LRRC23: variants seen among roughly 807,000 people sequenced by gnomAD.
LRRC23 encodes the protein leucine-rich repeat-containing protein 23.
In LRRC23, 28 loss-of-function variants were observed where a neutral mutation model predicts 37.7. That is an observed-to-expected ratio of 0.74 (90% CI 0.55 to 1.02). LRRC23 has a LOEUF of 1.02. Ranked by LOEUF, LRRC23 falls within the 50% of genes least tolerant of loss-of-function variation. The pLI is 0.00. For missense variants in LRRC23, 377 were observed against 413.2 expected (o/e 0.91, Z 0.76); for synonymous variants, 161 against 165.4 (o/e 0.97, Z 0.20).
Position 6,912,951 on chromosome 12 carries a change from A to G in LRRC23, c.980A>G (p.Glu327Gly), listed in dbSNP as rs782100764. ...VIRQRLKEEKEQEPEPQRDLE... is the reference protein window; with the variant it reads ...VIRQRLKEEKGQEPEPQRDLE... ...CGACAGAGGCTGAAGGAAGAAAAGG[A>G]GCAGGAGCCTGAGCCCCAGCGTGAC... is the stretch of plus-strand genomic sequence containing the variant. Residue 327 changes from glutamate (E) to glycine (G), a missense_variant, in exon 7 of 8, where the codon GAG becomes GGG. By Grantham distance (98) the Glu-to-Gly change is moderately conservative. Transcript: ENST00000443597. The G allele has an allele frequency of 6.2e-7, 1 of 1,614,116 alleles. No homozygotes were observed. The highest frequency in any genetic ancestry group is 1.1e-5 in the South Asian group (1 of 91,078).
Position 6,905,590 on chromosome 12 carries a change from G to T in LRRC23, c.-44G>T, listed in dbSNP as rs781939696. 6.2e-7 allele frequency: 1 copy of T among 1,609,194 alleles called. No individual in the cohort carries two copies. The highest frequency in any genetic ancestry group is 8.5e-7 in the Non-Finnish European group (1 of 1,176,564). On this transcript the variant is annotated 5_prime_UTR_variant, in exon 2 of 8. It adds an upstream start codon to the 5' untranslated region. Coordinates refer to ENST00000443597, the MANE Select transcript of LRRC23 (RefSeq NM_001135217.2). ...GATGAGACCTTCTTTTTCAGGAGGA[G>T]GACTGAGCTTATCTGACTCCAGAGC...
Position 6,913,777 on chromosome 12 carries a change from A to T in LRRC23, c.*25-114A>T, listed in dbSNP as rs1945249501. On this transcript the variant is annotated intron_variant, in intron 7 of 7. Coordinates refer to ENST00000443597, the MANE Select transcript of LRRC23 (RefSeq NM_001135217.2). ...ACGGGGTTTCACCACGTTAGCCAGG[A>T]TGGTCTGGATCTCCTGACCTCGTGA... The T allele has an allele frequency of 8.3e-6, 6 of 719,014 alleles. No homozygotes were observed. The Admixed American group carries it at 1.6e-4, about 19-fold the overall frequency. The allele number at this position is 719,014 out of a possible 1,614,324, so 44.5% of individuals were successfully genotyped here. A position where few individuals can be genotyped will look rare whatever the true frequency, so the allele number is the denominator to read the frequency against.
chr12:6,908,596 C>CAAAAAAAAAA (rs61662814), intron 5 of LRRC23, among the ~76,000 whole-genome samples: 17 of 31,092 alleles, frequency 5.5e-4, no homozygotes, highest in African/African-American at 1.5e-3. Flanking sequence ...GACTCCATCT[C>CAAAAAAAAAA]AAAAAAAAAA....
intron 6 of LRRC23, among the ~76,000 whole-genome samples, chr12:6,912,349 G>A (rs186218234): frequency 3.0e-4 from 46 of 152,132 alleles, no homozygotes; most frequent in East Asian, 2.9e-3. Context: ...ATGGGGTCTC[G>A]CTATGTTGCC....
chr12:6,908,498 G>A (rs782592213), intron 5 of LRRC23, among the ~76,000 whole-genome samples: 2 of 150,358 alleles, frequency 1.3e-5, no homozygotes, highest in South Asian at 4.2e-4. Flanking sequence ...TAGGGAGGCT[G>A]AGGCAGCAGA....
At chr12:6,913,148 C>G (rs1555141024) in intron 7 of LRRC23, 121 bp downstream of exon 7, 1 of 1,047,770 alleles carries the variant, frequency 9.5e-7, no homozygotes. Flanking sequence ...CAAGCAGGAC[C>G]CTTAAAGAGA....
chr12:6,909,214 A>T (rs1371401725), intron 5 of LRRC23, among the ~76,000 whole-genome samples: 2 of 944 alleles, frequency 2.1e-3, no homozygotes, highest in Admixed American at 0.02. Context: ...AATTATATAT[A>T]ATATATATAA....
Position 6,914,113 on chromosome 12 carries a change from G to A in LRRC23, c.*247G>A, listed in dbSNP as rs11612746. 0.024 allele frequency: 36,009 copies of A among 1,504,618 alleles called. 578 individuals are homozygous for A. The highest frequency in any genetic ancestry group is 0.043 in the Middle Eastern group (178 of 4,112). The allele number at this position is 1,504,618 out of a possible 1,614,324, so 93.2% of individuals were successfully genotyped here. Reference sequence around the variant, plus strand: ...GAGCCTAGGCCGGGGGCCGCCCTCGGGCAGGCGTGGGTGAGAGCCAAGACC... The same window carrying A: ...GAGCCTAGGCCGGGGGCCGCCCTCGAGCAGGCGTGGGTGAGAGCCAAGACC... On this transcript the variant is annotated 3_prime_UTR_variant, in exon 8 of 8. Coordinates refer to ENST00000443597, the MANE Select transcript of LRRC23 (RefSeq NM_001135217.2). This position sits in a 1 kb window ranked among gnomAD's most constrained non-coding sequence, Gnocchi z 7.1.
In LRRC23 at chr12:6,907,332, G is replaced by T; in HGVS notation, c.508G>T (p.Val170Leu). 6.2e-7 allele frequency: 1 copy of T among 1,614,044 alleles called. No homozygotes were observed. The highest frequency in any genetic ancestry group is 2.2e-5 in the East Asian group (1 of 44,880). ...CTCCCCAGGGAACAGCATCCACATG[G>T]TGACAGGTCTGGACCCCGAGAAGTT... ...LNLKGNSIHM[V>L]TGLDPEKLIS... Residue 170 changes from valine (V) to leucine (L), a missense_variant, in exon 5 of 8, where the codon GTG (valine) becomes TTG (leucine). Physicochemically the swap from Val to Leu is conservative, Grantham distance 32. Coordinates refer to ENST00000443597, the MANE Select transcript of LRRC23 (RefSeq NM_001135217.2).
At chr12:6,912,256 CCCT>C (rs1945177540) in intron 6 of LRRC23, among the ~76,000 whole-genome samples, 1 of 152,088 alleles carries the variant, frequency 6.6e-6, no homozygotes, top group South Asian at 2.1e-4. Context: ...GTCAAGCAAT[CCCT>C]CCTCCTCAGC....
Position 6,914,069 on chromosome 12 carries a change from T to TA in LRRC23, c.*204dup, listed in dbSNP as rs1215115891. ...AGTGTGGGGTGCAGAATGGGGTGCC[T>TA]AGGCCTGAGCGTTGCCTGGAGCCTA... On this transcript the variant is annotated 3_prime_UTR_variant, in exon 8 of 8. Coordinates refer to ENST00000443597, the MANE Select transcript of LRRC23 (RefSeq NM_001135217.2). This position sits in a 1 kb window ranked among gnomAD's most constrained non-coding sequence, Gnocchi z 7.1. 1.3e-6 allele frequency: 2 copies of TA among 1,574,396 alleles called. No individual in the cohort carries two copies. The highest frequency in any genetic ancestry group is 1.7e-6 in the Non-Finnish European group (2 of 1,163,004).
intron 3 of LRRC23, among the ~76,000 whole-genome samples, chr12:6,906,160 G>A (rs372572315): frequency 1.1e-4 from 17 of 152,068 alleles, no homozygotes; most frequent in African/African-American, 4.1e-4. Context: ...TATATGGGGG[G>A]ATTCCTGCTG....
chr12:6,913,583 T>TTTTTGTG (rs1945240626), intron 7 of LRRC23, among the ~76,000 whole-genome samples: 1 of 141,474 alleles, frequency 7.1e-6, no homozygotes, highest in Non-Finnish European at 1.5e-5. Context: ...TTTTTTTTTT[T>TTTTTGTG]GCGAGGTAGT....
Position 6,910,034 on chromosome 12 carries a change from C to CCCTCT in LRRC23, c.758+11_758+15dup. ...GCAGTACCTCAACCTGAGGTATGCA[C>CCCTCT]CCTCTCCAAGCCCCACCTTGCCCCT... On this transcript the variant is annotated intron_variant, in intron 6 of 7. Coordinates refer to ENST00000443597, the MANE Select transcript of LRRC23 (RefSeq NM_001135217.2). 3 of 1,603,916 alleles carry CCCTCT rather than the reference C, an allele frequency of 1.9e-6. No homozygotes were observed. Among genetic ancestry groups the CCCTCT allele is most frequent in the Non-Finnish European group, 2.6e-6 (3 of 1,175,138 alleles).
At chr12:6,908,667 A>G (rs1382842827) in intron 5 of LRRC23, among the ~76,000 whole-genome samples, 1 of 148,424 alleles carries the variant, frequency 6.7e-6, no homozygotes, top group Non-Finnish European at 1.5e-5. Context: ...AAATACAAAA[A>G]AAAAAAATTA....
chr12:6,908,618 AAACC>A (rs1408377268), intron 5 of LRRC23, among the ~76,000 whole-genome samples: 22 of 72,332 alleles, frequency 3.0e-4, no homozygotes, highest in African/African-American at 1.2e-3. Flanking sequence ...AAAAAAAAAA[AAACC>A]AAAGAAAAAC....
chr12:6,913,105 C>A, intron 7 of LRRC23, 78 bp downstream of exon 7: 1 of 1,416,068 alleles, frequency 7.1e-7, no homozygotes, highest in Non-Finnish European at 9.7e-7. Flanking sequence ...GGGGAAGCTG[C>A]TGCAGAAGGA....
Position 6,906,276 on chromosome 12 carries a change from C to T in LRRC23, c.237-133C>T, listed in dbSNP as rs1258779016. On this transcript the variant is annotated intron_variant, in intron 3 of 7. Transcript: ENST00000443597. ...CCTACCTTCTCTTACCCTTCTTCTC[C>T]CCTACCATCTGTTGCCCATTCTTCT... The T allele has an allele frequency of 4.7e-5, 41 of 866,018 alleles. No individual in the cohort carries two copies. In the East Asian group the frequency reaches 8.5e-4, roughly 18 times the overall value. The allele number at this position is 866,018 out of a possible 1,614,324, so 53.6% of individuals were successfully genotyped here.
At chr12:6,913,806 G>T in intron 7 of LRRC23, 85 bp from the exon 8 acceptor site, 1 of 999,224 alleles carries the variant, frequency 1.0e-6, no homozygotes. Context: ...CTCGTGATCT[G>T]CCCGCCTCCG....
Sources: allele counts gnomAD v4.1 joint callset (sites outside exome capture counted in the v4.1 genomes callset), GRCh38; gene constraint gnomAD v4.1.1; non-coding constraint Gnocchi (gnomAD v3.1); transcripts MANE v1.5; gene names NCBI Gene and HGNC (gene_info 2026-07-23, HGNC 2026-07-21).